ALK: variants seen among roughly 807,000 people sequenced by gnomAD.
ALK encodes ALK tyrosine kinase receptor.
ALK carries 74 observed loss-of-function variants against 163.1 expected under a neutral mutation model. The ratio of observed to expected loss-of-function variants is 0.45; its 90% CI spans 0.38 to 0.55. The LOEUF (loss-of-function observed/expected upper bound fraction) is 0.55, where lower values mean the gene tolerates loss of function less well. Ranked by LOEUF, ALK falls within the 20% of genes least tolerant of loss-of-function variation. ALK has a pLI of 0.00. For synonymous variants in ALK, 960 were observed against 843.2 expected, an observed-to-expected ratio of 1.14 and a Z score of -2.40; for missense variants, 2,063 against 2,105.3, an observed-to-expected ratio of 0.98 and a Z score of 0.39.
rs149979831 is a variant in ALK at position 29,798,571 on chromosome 2, T to G, written c.668-80874A>C. ...CTCGCATCCAGGTCTTTTCAGCAAA[T>G]GTACCTTAAAAGGCAATTAAAGAAT... On this transcript the variant is annotated intron_variant, in intron 1 of 28. Transcript: ENST00000389048. 2.4e-4 allele frequency among the ~76,000 whole-genome samples: 37 copies of G among 152,368 alleles called. No individual in the cohort carries two copies. The East Asian group carries it at 4.8e-3, about 20-fold the overall frequency.
intron 4 of ALK, among the ~76,000 whole-genome samples, chr2:29,427,853 C>G (rs1402909653): frequency 2.6e-4 from 39 of 152,068 alleles, no homozygotes; most frequent in Non-Finnish European, 1.3e-4. Flanking sequence ...AGGAAACTTT[C>G]TCTGGGATAG....
At chr2:29,632,153 G>A (rs993354938) in intron 3 of ALK, among the ~76,000 whole-genome samples, 1 of 152,188 alleles carries the variant, frequency 6.6e-6, no homozygotes, top group African/African-American at 2.4e-5. Flanking sequence ...CAGAGGGCAT[G>A]CCTACGTGCT....
chr2:29,754,448 G>A (rs565598591), intron 1 of ALK, among the ~76,000 whole-genome samples: 8 of 152,230 alleles, frequency 5.3e-5, no homozygotes, highest in South Asian at 2.1e-4. Context: ...GTCACTCCCT[G>A]ACTCAGTCTC....
intron 4 of ALK, among the ~76,000 whole-genome samples, chr2:29,504,351 C>A (rs1672259962): frequency 6.6e-6 from 1 of 152,056 alleles, no homozygotes; most frequent in Non-Finnish European, 1.5e-5. Context: ...GGAAGCCATG[C>A]AAAGGTTTTA....
At chr2:29,697,296 T>C (rs1678595616) in intron 2 of ALK, among the ~76,000 whole-genome samples, 1 of 152,142 alleles carries the variant, frequency 6.6e-6, no homozygotes, top group Admixed American at 6.5e-5. Flanking sequence ...TGAGTCAGGG[T>C]TTATTTTCTC....
chr2:29,646,982 G>T (rs1364254902), intron 3 of ALK, among the ~76,000 whole-genome samples: 1 of 152,164 alleles, frequency 6.6e-6, no homozygotes, highest in Non-Finnish European at 1.5e-5. Context: ...CCAGTTCCTT[G>T]CACTGTTGTA....
intron 4 of ALK, among the ~76,000 whole-genome samples, chr2:29,454,322 T>A (rs1470010743): frequency 6.6e-6 from 1 of 152,224 alleles, no homozygotes; most frequent in African/African-American, 2.4e-5. Flanking sequence ...TATTTGCATA[T>A]AACCTACACA....
chr2:29,493,056 A>C (rs1307590349), intron 4 of ALK, among the ~76,000 whole-genome samples: 1 of 151,968 alleles, frequency 6.6e-6, no homozygotes, highest in African/African-American at 2.4e-5. Flanking sequence ...TTTTGATGAA[A>C]TCTCTCCTGC....
chr2:29,254,546 C>T (rs1195206379), intron 11 of ALK, among the ~76,000 whole-genome samples: 1 of 152,162 alleles, frequency 6.6e-6, no homozygotes. Flanking sequence ...GCTTTGGATT[C>T]AGATAGGCTG....
chr2:29,687,452 C>A (rs1366390979), intron 3 of ALK, among the ~76,000 whole-genome samples: 2 of 151,522 alleles, frequency 1.3e-5, no homozygotes, highest in Non-Finnish European at 2.9e-5. Flanking sequence ...GGTTGTGGCA[C>A]AAAATAGTTA....
intron 1 of ALK, among the ~76,000 whole-genome samples, chr2:29,771,070 C>T (rs1681009577): frequency 6.6e-6 from 1 of 152,004 alleles, no homozygotes; most frequent in Admixed American, 6.6e-5. Flanking sequence ...AGCATTAACA[C>T]AGACATGCAC....
At chr2:29,815,353 G>T (rs917883253) in intron 1 of ALK, among the ~76,000 whole-genome samples, 1 of 152,048 alleles carries the variant, frequency 6.6e-6, no homozygotes, top group Non-Finnish European at 1.5e-5. Context: ...AAAAATAAAG[G>T]GGAAGGGGTA....
Position 29,275,160 on chromosome 2 carries a change from T to A in ALK, c.1980A>T (p.Pro660=), listed in dbSNP as rs1665501060. The A allele has an allele frequency of 6.2e-7, 1 of 1,614,094 alleles. No individual in the cohort carries two copies. The highest frequency in any genetic ancestry group is 1.3e-5 in the African/African-American group (1 of 74,946). ...PKSRNLFERN[P]NKELKPGENS... is the part of the protein sequence containing the mutation. The stretch of plus-strand genomic sequence containing the variant: ...TTTCCCCGGGTTTCAGCTCCTTGTT[T>A]GGGTTTCTCTCAAACAGGTTTCTTG... Residue 660 remains proline (P), a synonymous_variant, in exon 11 of 29, where the codon CCA becomes CCT. Transcript: ENST00000389048.
At chr2:29,649,018 T>C (rs1220565951) in intron 3 of ALK, among the ~76,000 whole-genome samples, 1 of 152,198 alleles carries the variant, frequency 6.6e-6, no homozygotes, top group Non-Finnish European at 1.5e-5. Context: ...CAGATGTTAA[T>C]GCAGATGCTA....
intron 4 of ALK, among the ~76,000 whole-genome samples, chr2:29,511,632 C>A (rs1164885111): frequency 6.6e-6 from 1 of 152,156 alleles, no homozygotes; most frequent in Non-Finnish European, 1.5e-5. Flanking sequence ...CATACGTTTT[C>A]ATCCTCTTGA....
intron 3 of ALK, among the ~76,000 whole-genome samples, chr2:29,572,761 G>C (rs985928831): frequency 6.6e-5 from 10 of 152,288 alleles, no homozygotes; most frequent in African/African-American, 2.4e-4. Context: ...GATGAATGAA[G>C]ACTTCTCTCA....
intron 4 of ALK, among the ~76,000 whole-genome samples, chr2:29,452,632 A>G (rs1331844866): frequency 6.6e-6 from 1 of 152,204 alleles, no homozygotes; most frequent in East Asian, 1.9e-4. Context: ...GTATCTCCCC[A>G]TAAGATACTA....
At chr2:29,282,178 C>A (rs1665734438) in intron 9 of ALK, among the ~76,000 whole-genome samples, 1 of 152,126 alleles carries the variant, frequency 6.6e-6, no homozygotes, top group Non-Finnish European at 1.5e-5. Context: ...TGGGCCCTGG[C>A]TGCTTAGGAT....
At position 29,821,990 on chromosome 2, in the gene ALK, G is replaced by A. The variant is rs540102382; in HGVS notation, c.667+98003C>T. ...AAAGGGACCTCAGGAAGCTCTCTCAGGCCCTGTATGCTTAGCTTCTAAACC... is the reference window on the plus strand; with the variant it reads ...AAAGGGACCTCAGGAAGCTCTCTCAAGCCCTGTATGCTTAGCTTCTAAACC... On this transcript the variant is annotated intron_variant, in intron 1 of 28. Coordinates refer to ENST00000389048, the MANE Select transcript of ALK (RefSeq NM_004304.5). 1.2e-3 allele frequency among the ~76,000 whole-genome samples: 182 copies of A among 152,280 alleles called. 1 individual carries two copies. Among genetic ancestry groups the A allele is most frequent in the Non-Finnish European group, 1.5e-3 (103 of 68,022 alleles).
Sources: gnomAD v4.1 joint callset for allele counts (sites outside exome capture counted in the v4.1 genomes callset) on GRCh38, gnomAD v4.1.1 for gene constraint, MANE v1.5 for transcripts, NCBI Gene and HGNC (gene_info 2026-07-23, HGNC 2026-07-21) for gene names.